Variants in STXBP5 observed in about 807,000 individuals in gnomAD.
STXBP5 encodes syntaxin-binding protein 5.
A neutral mutation model predicts 152.4 loss-of-function variants in STXBP5; 50 were observed. The ratio of observed to expected loss-of-function variants is 0.33; its 90% CI spans 0.26 to 0.42. STXBP5 has a LOEUF of 0.42. STXBP5 is among the 10% of genes least tolerant of loss of function. The pLI, the probability that STXBP5 is intolerant of heterozygous loss-of-function variation, is 1.00. For missense variants in STXBP5, 1,167 were observed against 1,388.6 expected, an observed-to-expected ratio of 0.84 and a Z score of 2.54; for synonymous variants, 492 against 494.7, an observed-to-expected ratio of 0.99 and a Z score of 0.07.
intron 24 of STXBP5, 69 bp from the exon 25 acceptor site, chr6:147,363,932 T>C (rs2128414069): frequency 6.6e-7 from 1 of 1,509,062 alleles, no homozygotes; most frequent in South Asian, 1.2e-5. Flanking sequence ...CTGCCATTTT[T>C]AACAATGATA....
In STXBP5 at chr6:147,337,056, C is replaced by T. The variant is rs9497751; in HGVS notation, c.2147-2123C>T. On this transcript the variant is annotated intron_variant, in intron 19 of 27. Coordinates refer to ENST00000321680, the MANE Select transcript of STXBP5 (RefSeq NM_001127715.4). ...GTTAATTCTGCCTACTGAACATATG[C>T]ATCCTGAACGAATGAAGGGAAAGAC... Among the ~76,000 whole-genome samples the T allele has an allele frequency of 7.7e-3, 1,167 of 152,044 alleles. 19 individuals are homozygous for T. Among genetic ancestry groups the T allele is most frequent in the African/African-American group, 0.026 (1,071 of 41,468 alleles).
At chr6:147,216,142 A>T (rs1777153480) in intron 2 of STXBP5, among the ~76,000 whole-genome samples, 1 of 152,212 alleles carries the variant, frequency 6.6e-6, no homozygotes, top group Non-Finnish European at 1.5e-5. Context: ...CTGTAATCCC[A>T]GCGCTTTGGG....
intron 22 of STXBP5, among the ~76,000 whole-genome samples, chr6:147,357,661 T>C (rs1784873896): frequency 2.0e-5 from 3 of 152,002 alleles, no homozygotes; most frequent in Admixed American, 1.3e-4. Context: ...TGGAAGTAGA[T>C]TACCAATGGA....
In STXBP5 at chr6:147,314,586, C is replaced by G. The variant is rs1340118774; in HGVS notation, c.1362-10C>G. The G allele has an allele frequency of 6.2e-7, 1 of 1,607,506 alleles. No homozygotes were observed. Among genetic ancestry groups the G allele is most frequent in the African/African-American group, 1.3e-5 (1 of 74,528 alleles). On this transcript the variant is annotated splice_polypyrimidine_tract_variant and intron_variant, in intron 13 of 27. Coordinates refer to ENST00000321680, the MANE Select transcript of STXBP5 (RefSeq NM_001127715.4). The stretch of plus-strand genomic sequence containing the variant: ...TTTATTCATCACATTCTTAACATTG[C>G]TTTTCTTAGGCATGCTGATGGGTCA...
intron 2 of STXBP5, among the ~76,000 whole-genome samples, chr6:147,226,101 G>T (rs1777696062): frequency 6.6e-6 from 1 of 152,044 alleles, no homozygotes; most frequent in Non-Finnish European, 1.5e-5. Context: ...TTCAAGACCA[G>T]CCAAGGAAAC....
intron 23 of STXBP5, 97 bp from the exon 24 acceptor site, chr6:147,363,238 A>G (rs2128413639): frequency 7.9e-7 from 1 of 1,264,008 alleles, no homozygotes; most frequent in Non-Finnish European, 1.1e-6. Flanking sequence ...TGCGTTCAGC[A>G]TATATTTAAG....
chr6:147,373,048 C>T (rs1785633591), intron 25 of STXBP5, among the ~76,000 whole-genome samples: 1 of 152,116 alleles, frequency 6.6e-6, no homozygotes, highest in Admixed American at 6.5e-5. Flanking sequence ...CATTATTACA[C>T]TGGACTTTTA....
intron 2 of STXBP5, among the ~76,000 whole-genome samples, chr6:147,232,719 AC>A (rs1778066701): frequency 6.6e-6 from 1 of 151,858 alleles, no homozygotes; most frequent in Non-Finnish European, 1.5e-5. Context: ...ACAGTGCCTA[AC>A]CATTTAGTAG....
At chr6:147,274,963 G>C (rs1339288880) in intron 7 of STXBP5, among the ~76,000 whole-genome samples, 1 of 152,100 alleles carries the variant, frequency 6.6e-6, no homozygotes, top group East Asian at 1.9e-4. Context: ...ATACTGATGA[G>C]TTTGCAAAAC....
At chr6:147,309,682 C>G (rs893512723) in intron 9 of STXBP5, among the ~76,000 whole-genome samples, 1 of 151,904 alleles carries the variant, frequency 6.6e-6, no homozygotes, top group African/African-American at 2.4e-5. Context: ...AGAATTTAAT[C>G]CATTACCTAC....
intron 8 of STXBP5, among the ~76,000 whole-genome samples, chr6:147,283,926 A>G (rs1362131881): frequency 1.3e-5 from 2 of 152,136 alleles, no homozygotes; most frequent in Non-Finnish European, 2.9e-5. Context: ...TATTTTCTAG[A>G]ACATCACTGT....
At chr6:147,326,766 T>C (rs781070012) in intron 17 of STXBP5, among the ~76,000 whole-genome samples, 3 of 152,100 alleles carry the variant, frequency 2.0e-5, no homozygotes, top group Non-Finnish European at 4.4e-5. Flanking sequence ...ACTTTCCTAA[T>C]AGAAGGGAAT....
At position 147,204,436 on chromosome 6, in the gene STXBP5, T is replaced by G; in HGVS notation, c.-97T>G. The G allele has an allele frequency of 8.2e-6, 10 of 1,226,294 alleles. No individual in the cohort carries two copies. The highest frequency in any genetic ancestry group is 9.2e-6 in the Non-Finnish European group (8 of 870,542). The allele number at this position is 1,226,294 out of a possible 1,614,324, so 76.0% of individuals were successfully genotyped here. Reference sequence around the variant, plus strand: ...ACCCTCACACTCCCACTCCTCCGTTTCCGCGGTCGAAGCTGCCTTCGGCCC... The same window carrying G: ...ACCCTCACACTCCCACTCCTCCGTTGCCGCGGTCGAAGCTGCCTTCGGCCC... On this transcript the variant is annotated 5_prime_UTR_variant, in exon 1 of 28. Transcript: ENST00000321680. The surrounding 1 kb of genome is among the most constrained non-coding windows in gnomAD (Gnocchi z 4.3).
At chr6:147,214,597 A>C (rs1341338409) in intron 2 of STXBP5, among the ~76,000 whole-genome samples, 1 of 152,170 alleles carries the variant, frequency 6.6e-6, no homozygotes, top group African/African-American at 2.4e-5. Flanking sequence ...ATTCCATCCC[A>C]ACTTCCATCC....
intron 4 of STXBP5, among the ~76,000 whole-genome samples, chr6:147,252,692 C>T (rs1052844655): frequency 6.6e-6 from 1 of 152,130 alleles, no homozygotes; most frequent in Non-Finnish European, 1.5e-5. Context: ...CCTAGCAAGA[C>T]AAGCCAACAT....
chr6:147,310,015 A>C lies in STXBP5; in HGVS notation c.918-69A>C, dbSNP rs143674737. 6 of 1,110,544 alleles carry C rather than the reference A, an allele frequency of 5.4e-6. No individual in the cohort carries two copies. In the African/African-American group the frequency reaches 8.0e-5, roughly 15 times the overall value. 68.8% of individuals were successfully genotyped at this position (1,110,544 alleles called of 1,614,324 possible). On this transcript the variant is annotated intron_variant, in intron 9 of 27. Transcript: ENST00000321680. ...ATTTTGTTATTTCACTAAATTAAAA[A>C]ATTATGATGTAGCAAGAAAATTATC...
rs1266783953 is a variant in STXBP5 at position 147,387,757 on chromosome 6, T to TACAATATATTACACA, written c.*3002_*3003insACAATATATTACACA. The TACAATATATTACACA allele has an allele frequency of 1.3e-5, 2 of 151,744 alleles. No homozygotes were observed. Among genetic ancestry groups the TACAATATATTACACA allele is most frequent in the Non-Finnish European group, 3.0e-5 (2 of 67,774 alleles). The allele number at this position is 151,744 out of a possible 1,614,324, so 9.4% of individuals were successfully genotyped here. On this transcript the variant is annotated 3_prime_UTR_variant, in exon 28 of 28. Coordinates refer to ENST00000321680, the MANE Select transcript of STXBP5 (RefSeq NM_001127715.4). ...TATGTGTAAGTATATTACAATTTAA[T>TACAATATATTACACA]TAAGTACAATAGTTTAAAGAACGAA...
chr6:147,339,528 CTA>C (rs1783996125), intron 21 of STXBP5, 144 bp downstream of exon 21: 1 of 571,720 alleles, frequency 1.7e-6, no homozygotes, highest in African/African-American at 2.0e-5. Context: ...TGTGTCTCTT[CTA>C]AACTCATTGG....
intron 26 of STXBP5, 51 bp from the exon 27 acceptor site, chr6:147,382,727 A>G (rs761167781): frequency 2.6e-5 from 41 of 1,565,830 alleles, no homozygotes; most frequent in Non-Finnish European, 3.6e-5. Flanking sequence ...ATTTTATATT[A>G]GTAAAATGTT....
Sources: gnomAD v4.1 joint callset for allele counts (sites outside exome capture counted in the v4.1 genomes callset) on GRCh38, gnomAD v4.1.1 for gene constraint, Gnocchi (gnomAD v3.1) non-coding constraint, MANE v1.5 for transcripts, NCBI Gene and HGNC (gene_info 2026-07-23, HGNC 2026-07-21) for gene names.